DMD: variants seen among roughly 807,000 people sequenced by gnomAD.
The protein encoded by DMD is dystrophin.
In DMD, 63 loss-of-function variants were observed where a neutral mutation model predicts 330.1. The observed-to-expected ratio is 0.19, with a 90% CI of 0.16 to 0.24. DMD has a LOEUF of 0.24. Ranked by LOEUF, DMD falls within the 10% of genes least tolerant of loss-of-function variation. DMD has a pLI of 1.00. For missense variants in DMD, 3,344 were observed against 2,684.1 expected (o/e 1.25, Z -5.43); for synonymous variants, 1,223 against 959.8 (o/e 1.27, Z -5.07).
intron 9 of DMD, among the ~76,000 whole-genome samples, chrX:32,692,091 T>G (rs1411398066): frequency 8.9e-6 from 1 of 112,253 alleles, no homozygotes; most frequent in African/African-American, 3.2e-5. Context: ...AACTTGTACC[T>G]ATACTGAACA....
intron 9 of DMD, among the ~76,000 whole-genome samples, chrX:32,660,075 G>C (rs988199704): frequency 1.8e-5 from 2 of 110,630 alleles, no homozygotes; most frequent in African/African-American, 6.6e-5. Flanking sequence ...CATGCTTCAG[G>C]GTCTGTATCT....
At chrX:32,712,375 G>C (rs181921927) in intron 7 of DMD, among the ~76,000 whole-genome samples, 1 of 111,416 alleles carries the variant, frequency 9.0e-6, no homozygotes, top group Non-Finnish European at 1.9e-5. Flanking sequence ...ATTTGTCGTA[G>C]ATATGTATGA....
At chrX:33,182,586 G>A (rs1294948037) in intron 1 of DMD, among the ~76,000 whole-genome samples, 1 of 111,064 alleles carries the variant, frequency 9.0e-6, no homozygotes, top group Non-Finnish European at 1.9e-5. Context: ...TCTGATTTCT[G>A]AGTCTTAATC....
chrX:32,245,995 C>G (rs1278037837), intron 43 of DMD, among the ~76,000 whole-genome samples: 1 of 96,762 alleles, frequency 1.0e-5, no homozygotes, highest in East Asian at 3.2e-4. Context: ...ACTTCCAACA[C>G]TATGTTGAAT....
At chrX:31,543,181 TA>T (rs1395260245) in intron 55 of DMD, among the ~76,000 whole-genome samples, 5 of 111,078 alleles carry the variant, frequency 4.5e-5, no homozygotes, top group East Asian at 5.6e-4. Flanking sequence ...TATTTTATTT[TA>T]TTTTTTTTAG....
chrX:32,383,872 T>C (rs2097941279), intron 33 of DMD, among the ~76,000 whole-genome samples: 2 of 109,771 alleles, frequency 1.8e-5, no homozygotes, highest in South Asian at 3.8e-4. Context: ...TATTCTGTTA[T>C]TTTATGTTAA....
intron 1 of DMD, among the ~76,000 whole-genome samples, chrX:33,032,691 A>G (rs2094135811): frequency 8.9e-6 from 1 of 112,592 alleles, no homozygotes; most frequent in Non-Finnish European, 1.9e-5. Flanking sequence ...ATGGCCAAGT[A>G]TTAGCACAGA....
At chrX:31,482,442 TGA>T (rs1323933794) in intron 57 of DMD, among the ~76,000 whole-genome samples, 2 of 111,316 alleles carry the variant, frequency 1.8e-5, no homozygotes, top group African/African-American at 6.5e-5. Context: ...CAGGATCTCT[TGA>T]GAGATAGAAA....
Position 32,853,782 on chromosome X carries a change from A to AAAC in DMD, c.94-3963_94-3962insGTT, listed in dbSNP as rs1227966876. ...AACACAGTGACAGAAAAAAAAAAAA[A>AAAC]AAAACAAACAACAACAACAACAACA... On this transcript the variant is annotated intron_variant, in intron 2 of 78. Coordinates refer to ENST00000357033, the MANE Select transcript of DMD (RefSeq NM_004006.3). Among the ~76,000 whole-genome samples, 6 of 107,581 alleles carry AAAC rather than the reference A, an allele frequency of 5.6e-5. No individual in the cohort carries two copies. In the East Asian group the frequency reaches 8.7e-4, roughly 16 times the overall value. 93.4% of individuals were successfully genotyped at this position (107,581 alleles called of 115,157 possible).
intron 44 of DMD, among the ~76,000 whole-genome samples, chrX:31,982,430 T>C (rs1164341169): frequency 9.0e-6 from 1 of 111,003 alleles, no homozygotes; most frequent in African/African-American, 3.3e-5. Flanking sequence ...GATTGCAGAG[T>C]AGTTGGGGAA....
At chrX:33,117,281 G>T (rs1029305456) in intron 1 of DMD, among the ~76,000 whole-genome samples, 3 of 110,697 alleles carry the variant, frequency 2.7e-5, no homozygotes, top group Non-Finnish European at 5.7e-5. Context: ...TAAGCTCTGG[G>T]GATCTAATGT....
chrX:33,008,057 A>G (rs1290240962), intron 2 of DMD, among the ~76,000 whole-genome samples: 1 of 111,654 alleles, frequency 9.0e-6, no homozygotes, highest in Non-Finnish European at 1.9e-5. Flanking sequence ...ATTTCTAATG[A>G]AAAGGTCTCT....
intron 9 of DMD, among the ~76,000 whole-genome samples, 182 bp from the exon 10 acceptor site, chrX:32,645,334 C>A (rs1871571359): frequency 8.9e-6 from 1 of 111,884 alleles, no homozygotes; most frequent in Admixed American, 9.5e-5. Context: ...ATGCATACAT[C>A]AATTTTCAAA....
At chrX:32,229,110 A>C (rs1027772814) in intron 43 of DMD, among the ~76,000 whole-genome samples, 1 of 110,773 alleles carries the variant, frequency 9.0e-6, no homozygotes, top group African/African-American at 3.3e-5. Context: ...TTTAAGTGTC[A>C]TTTGAATCAG....
intron 7 of DMD, among the ~76,000 whole-genome samples, chrX:32,760,019 A>G (rs1210079403): frequency 8.9e-6 from 1 of 112,504 alleles, no homozygotes; most frequent in African/African-American, 3.2e-5. Flanking sequence ...AGAAGCAAAG[A>G]TGCTGAATAA....
chrX:32,923,359 G>A (rs1361191751), intron 2 of DMD, among the ~76,000 whole-genome samples: 2 of 110,152 alleles, frequency 1.8e-5, no homozygotes, highest in African/African-American at 6.6e-5. Context: ...CCAGGAGTTC[G>A]AGACCAGCCT....
At chrX:32,311,508 T>A (rs1044992066) in intron 41 of DMD, among the ~76,000 whole-genome samples, 3 of 111,733 alleles carry the variant, frequency 2.7e-5, no homozygotes, top group South Asian at 7.4e-4. Context: ...TTTAGATATC[T>A]CATCTACTTG....
At chrX:33,159,078 C>T (rs1467975225) in intron 1 of DMD, 1 of 111,661 alleles carries the variant, frequency 9.0e-6, no homozygotes, top group Non-Finnish European at 1.9e-5. Flanking sequence ...TTCCAATAAC[C>T]TATTATAAGA....
chrX:31,997,009 C>T (rs139981891), intron 44 of DMD, among the ~76,000 whole-genome samples: 3,320 of 111,156 alleles, frequency 0.03, 129 homozygotes, highest in African/African-American at 0.1. Context: ...GTGGGTTCAG[C>T]TCTTTTCAAT....
Sources: gnomAD v4.1 joint callset for allele counts (sites outside exome capture counted in the v4.1 genomes callset) on GRCh38, gnomAD v4.1.1 for gene constraint, MANE v1.5 for transcripts, NCBI Gene and HGNC (gene_info 2026-07-23, HGNC 2026-07-21) for gene names.